HOMER2: variants seen among roughly 807,000 people sequenced by gnomAD.
HOMER2 encodes the protein homer scaffold protein 2.
A neutral mutation model predicts 47.0 loss-of-function variants in HOMER2; 27 were observed. That is an observed-to-expected ratio of 0.57 (90% CI 0.42 to 0.79). HOMER2 has a LOEUF of 0.79. HOMER2 is among the 30% of genes least tolerant of loss of function. The pLI, the probability that HOMER2 is intolerant of heterozygous loss-of-function variation, is 0.00. For missense variants in HOMER2, 443 were observed against 435.0 expected (o/e 1.02, Z -0.16); for synonymous variants, 161 against 163.8 (o/e 0.98, Z 0.13).
chr15:82,873,969 C>G (rs1294081423), intron 3 of HOMER2, among the ~76,000 whole-genome samples: 1 of 152,240 alleles, frequency 6.6e-6, no homozygotes, highest in Non-Finnish European at 1.5e-5. Flanking sequence ...TAGCAGGCCT[C>G]TGCTGTGGGA....
chr15:82,953,612 G>A (rs568555242), upstream of HOMER2, among the ~76,000 whole-genome samples: 154 of 152,288 alleles, frequency 1.0e-3, 1 homozygote, highest in Non-Finnish European at 1.3e-3. Context: ...GGTGGCTCAC[G>A]CCTGTAATCC....
chr15:82,847,584 T>A (rs900609204), downstream of HOMER2, among the ~76,000 whole-genome samples: 2 of 151,946 alleles, frequency 1.3e-5, no homozygotes, highest in Non-Finnish European at 2.9e-5. Context: ...ACTTCTGGAG[T>A]TTTCTAAAGT....
At chr15:82,979,025 T>C (rs1016646503) in intron 1 of HOMER2, among the ~76,000 whole-genome samples, 8 of 152,244 alleles carry the variant, frequency 5.3e-5, no homozygotes, top group Non-Finnish European at 8.8e-5. Context: ...GGCCACGATC[T>C]GACAGTTTTA....
intron 1 of HOMER2, among the ~76,000 whole-genome samples, chr15:82,981,283 C>T (rs750376711): frequency 6.6e-6 from 1 of 152,170 alleles, no homozygotes. Context: ...TCCAAGATCA[C>T]GAATGGCCTC....
At chr15:82,951,953 G>C in intron 1 of HOMER2, 1 of 561,320 alleles carries the variant, frequency 1.8e-6, no homozygotes, top group Non-Finnish European at 2.3e-6. Context: ...CTTCGACAGA[G>C]TATTTCAACT....
rs1596309887 is a variant in HOMER2 at position 82,864,177 on chromosome 15, T to C, written c.377A>G (p.Asn126Ser). 1.2e-6 allele frequency: 2 copies of C among 1,608,324 alleles called. No homozygotes were observed. Among genetic ancestry groups the C allele is most frequent in the South Asian group, 1.1e-5 (1 of 90,522 alleles). The change falls in exon 4 of 9, where the codon AAT (asparagine) becomes AGT (serine). Residue 126 changes from asparagine to serine, a missense_variant. Coordinates refer to ENST00000450735, the MANE Select transcript of HOMER2 (RefSeq NM_004839.4). Reference sequence around the variant, plus strand: ...AGACTAATGTCTTACTTGGGAATGATTACTTGAGGTCTCGATTTTCTCCTG... The same window carrying C: ...AGACTAATGTCTTACTTGGGAATGACTACTTGAGGTCTCGATTTTCTCCTG... ...KTQEKIETSSNHSQASSVNGT... is the reference protein window; with the variant it reads ...KTQEKIETSSSHSQASSVNGT...
rs777025232 is a variant in HOMER2 at position 82,859,118 on chromosome 15, C to T, written c.405G>A (p.Gly135=). The change falls in exon 5 of 9, where the codon GGG becomes GGA. Residue 135 remains glycine (G), a synonymous_variant. Coordinates refer to ENST00000450735, the MANE Select transcript of HOMER2 (RefSeq NM_004839.4). ...SNHSQASSVN[G]TDDEKASHAG... ...CGTGAGAGGCCTTTTCATCGTCCGT[C>T]CCGTTGACACTGGATGCCTGAGTAG... 1.2e-6 allele frequency: 2 copies of T among 1,613,992 alleles called. No homozygotes were observed. The highest frequency in any genetic ancestry group is 1.7e-6 in the Non-Finnish European group (2 of 1,179,888).
intron 2 of HOMER2, 67 bp from the exon 3 acceptor site, chr15:82,875,471 GTCT>G (rs1025650966): frequency 3.7e-5 from 57 of 1,546,170 alleles, no homozygotes; most frequent in Non-Finnish European, 4.9e-5. Flanking sequence ...TCCTTAGAAA[GTCT>G]TCTATTGGCA....
chr15:82,918,871 C>T (rs528546405), intron 1 of HOMER2, among the ~76,000 whole-genome samples: 2 of 151,880 alleles, frequency 1.3e-5, no homozygotes, highest in East Asian at 3.9e-4. Flanking sequence ...AATGGCTGTG[C>T]AGGGCACAAC....
rs773984737 is a variant in HOMER2 at position 82,849,727 on chromosome 15, G to A, written c.1020C>T (p.Gly340=). The A allele has an allele frequency of 3.5e-5, 56 of 1,613,070 alleles. No individual in the cohort carries two copies. In the Middle Eastern group the frequency reaches 1.8e-3, roughly 52 times the overall value. The change falls in exon 9 of 9, where the codon GGC becomes GGT. Residue 340 remains glycine, a synonymous_variant. Transcript: ENST00000450735. ...GCCTCGGCCAGCCCTAGTTATCGGT[G>A]CCCAGCTTGGAGAGCCCTCGGCGGA... ...HDFRRGLSKL[G]TDN
intron 1 of HOMER2, among the ~76,000 whole-genome samples, chr15:82,944,236 C>G (rs1057200950): frequency 6.6e-6 from 1 of 152,238 alleles, no homozygotes; most frequent in African/African-American, 2.4e-5. Context: ...TCCCATCCTG[C>G]CGTTCTTCCC....
At chr15:82,975,967 C>A (rs532346531) in intron 1 of HOMER2, among the ~76,000 whole-genome samples, 2 of 152,052 alleles carry the variant, frequency 1.3e-5, no homozygotes, top group Admixed American at 1.3e-4. Context: ...TCTCCTGTGT[C>A]CCATAAATAT....
At chr15:82,925,370 A>G (rs1178398051) in intron 1 of HOMER2, among the ~76,000 whole-genome samples, 1 of 152,130 alleles carries the variant, frequency 6.6e-6, no homozygotes, top group Non-Finnish European at 1.5e-5. Context: ...CAGAACCTCC[A>G]TGTGGTCCCC....
intron 1 of HOMER2, among the ~76,000 whole-genome samples, chr15:82,968,524 G>C (rs971717913): frequency 1.3e-5 from 2 of 152,196 alleles, no homozygotes; most frequent in African/African-American, 4.8e-5. Context: ...CAGCAACACA[G>C]TTCCCTATCC....
chr15:82,932,460 A>C (rs1596365529), intron 1 of HOMER2, among the ~76,000 whole-genome samples: 1 of 150,818 alleles, frequency 6.6e-6, no homozygotes, highest in African/African-American at 2.4e-5. Context: ...ACACCACTGC[A>C]CTCCAGCCTG....
At chr15:82,861,553 A>G (rs2051789679) in intron 4 of HOMER2, among the ~76,000 whole-genome samples, 1 of 152,178 alleles carries the variant, frequency 6.6e-6, no homozygotes, top group African/African-American at 2.4e-5. Flanking sequence ...TCCTTTATAC[A>G]ATAAACATGT....
At chr15:82,979,169 CAATT>C (rs2030308214) in intron 1 of HOMER2, among the ~76,000 whole-genome samples, 1 of 152,206 alleles carries the variant, frequency 6.6e-6, no homozygotes, top group Admixed American at 6.5e-5. Context: ...CACTGTGAGT[CAATT>C]AAACCTCTTC....
In HOMER2 at chr15:82,876,224, G is replaced by C. The variant is rs762916153; in HGVS notation, c.163-820C>G. On this transcript the variant is annotated intron_variant, in intron 2 of 8. Coordinates refer to ENST00000450735, the MANE Select transcript of HOMER2 (RefSeq NM_004839.4). ...AAGCCAGAGGGCTTGGGAGCCCACT[G>C]ATGTCTGCAAGTTAGCCCCTCAGGG... 7.2e-5 allele frequency among the ~76,000 whole-genome samples: 11 copies of C among 152,250 alleles called. 1 individual carries two copies. Among genetic ancestry groups the C allele is most frequent in the Admixed American group, 3.9e-4 (6 of 15,282 alleles).
intron 1 of HOMER2, among the ~76,000 whole-genome samples, chr15:82,938,653 A>G (rs1300491129): frequency 6.6e-6 from 1 of 152,152 alleles, no homozygotes; most frequent in Non-Finnish European, 1.5e-5. Flanking sequence ...AGCTACCTTC[A>G]TCATCAGCTA....
Sources: allele counts gnomAD v4.1 joint callset (sites outside exome capture counted in the v4.1 genomes callset), GRCh38; gene constraint gnomAD v4.1.1; transcripts MANE v1.5; gene names NCBI Gene and HGNC (gene_info 2026-07-23, HGNC 2026-07-21).